The following CBL variants were observed in gnomAD, a reference collection of about 807,000 sequenced individuals.
CBL encodes the protein Cbl proto-oncogene.
In CBL, 45 loss-of-function variants were observed where a neutral mutation model predicts 96.9. The ratio of observed to expected loss-of-function variants is 0.46; its 90% CI spans 0.37 to 0.60. The LOEUF (loss-of-function observed/expected upper bound fraction) is 0.60. CBL is among the 20% of genes least tolerant of loss of function. The probability of loss-of-function intolerance (pLI) is 0.00; values close to 1 mark genes in which losing one functional copy is unlikely to be tolerated. For missense variants in CBL, 1,024 were observed against 1,143.5 expected (o/e 0.90, Z 1.51); for synonymous variants, 420 against 426.8 (o/e 0.98, Z 0.20).
chr11:119,307,792 A>G lies in CBL; in HGVS notation c.*8011A>G, dbSNP rs1295058784. 4.2e-5 allele frequency: 9 copies of G among 215,374 alleles called. No individual in the cohort carries two copies. Among genetic ancestry groups the G allele is most frequent in the Admixed American group, 3.5e-4 (6 of 17,184 alleles). 13.3% of individuals were successfully genotyped at this position (215,374 alleles called of 1,614,324 possible). A position where few individuals can be genotyped will look rare whatever the true frequency, so the allele number is the denominator to read the frequency against. ...TCCAGAATGAAGAGTCCCAATTTGT[A>G]TATCAGTGTTAAGAAGAAAACAAAA... is the stretch of plus-strand genomic sequence containing the variant. On this transcript the variant is annotated 3_prime_UTR_variant, in exon 16 of 16. Transcript: ENST00000264033.
chr11:119,206,435 G>C lies in CBL; in HGVS notation c.18G>C (p.Lys6Asn). 6.4e-7 allele frequency: 1 copy of C among 1,573,854 alleles called. No individual in the cohort carries two copies. MAGNV[K>N]KSSGAGGGSG... ...CCCAGGCCATGGCCGGCAACGTGAA[G>C]AAGAGCTCTGGGGCCGGGGGCGGCA... Residue 6 changes from lysine (K) to asparagine (N), a missense_variant, in exon 1 of 16, where the codon AAG becomes AAC. Around this residue, in one of 4 missense-constraint regions of CBL, gnomAD observed 114 missense variants for 117.4 expected, o/e 0.97. Transcript: ENST00000264033.
intron 2 of CBL, among the ~76,000 whole-genome samples, chr11:119,257,088 G>C (rs554448891): frequency 6.6e-6 from 1 of 152,230 alleles, no homozygotes; most frequent in African/African-American, 2.4e-5. Flanking sequence ...TAGATACCCA[G>C]TGGTGGGCTT....
In CBL at chr11:119,220,696, G is replaced by A. The variant is rs537971457; in HGVS notation, c.196-11752G>A. On this transcript the variant is annotated intron_variant, in intron 1 of 15. Coordinates refer to ENST00000264033, the MANE Select transcript of CBL (RefSeq NM_005188.4). ...TATTTTTTCTGCAGTTGATGTGGTA[G>A]GTGAAAGTAATGAGATTGGTAATGA... 5.3e-5 allele frequency among the ~76,000 whole-genome samples: 8 copies of A among 152,302 alleles called. No individual in the cohort carries two copies. In the South Asian group the frequency reaches 1.7e-3, roughly 32 times the overall value.
chr11:119,306,415 C>T lies in CBL; in HGVS notation c.*6634C>T. Reference sequence around the variant, plus strand: ...CGCCCCCTCCCCACCAACATTGCCTCTCCTACATTCTCCTTCTGCCCCTAA... The same window carrying T: ...CGCCCCCTCCCCACCAACATTGCCTTTCCTACATTCTCCTTCTGCCCCTAA... On this transcript the variant is annotated 3_prime_UTR_variant, in exon 16 of 16. Transcript: ENST00000264033. The T allele has an allele frequency of 2.5e-6, 1 of 398,920 alleles. No individual in the cohort carries two copies. The highest frequency in any genetic ancestry group is 4.4e-6 in the Non-Finnish European group (1 of 226,110). 24.7% of individuals were successfully genotyped at this position (398,920 alleles called of 1,614,324 possible).
At chr11:119,219,601 G>T (rs897787309) in intron 1 of CBL, among the ~76,000 whole-genome samples, 2 of 151,898 alleles carry the variant, frequency 1.3e-5, no homozygotes, top group African/African-American at 2.4e-5. Flanking sequence ...AGATAAAGGG[G>T]GACCACTGTA....
chr11:119,235,156 C>A (rs758695449), intron 2 of CBL, among the ~76,000 whole-genome samples: 3 of 151,726 alleles, frequency 2.0e-5, no homozygotes, highest in Non-Finnish European at 1.5e-5. Context: ...CTCTGTTGCC[C>A]AGGTTGGAGT....
chr11:119,208,404 T>A (rs1949290933), intron 1 of CBL, among the ~76,000 whole-genome samples: 1 of 152,094 alleles, frequency 6.6e-6, no homozygotes, highest in African/African-American at 2.4e-5. Flanking sequence ...TTTTTTTTTT[T>A]TGAGACGGAG....
At chr11:119,292,739 A>G (rs1419926515) in intron 12 of CBL, among the ~76,000 whole-genome samples, 1 of 152,070 alleles carries the variant, frequency 6.6e-6, no homozygotes, top group Non-Finnish European at 1.5e-5. Flanking sequence ...TGATTTTTAA[A>G]TTTATTCAGC....
chr11:119,269,265 T>G lies in CBL; in HGVS notation c.444-2470T>G, dbSNP rs953243770. 8.1e-4 allele frequency among the ~76,000 whole-genome samples: 101 copies of G among 124,598 alleles called. 1 individual carries two copies. Among genetic ancestry groups the G allele is most frequent in the Non-Finnish European group, 8.4e-4 (50 of 59,628 alleles). 81.7% of individuals were successfully genotyped at this position (124,598 alleles called of 152,430 possible). A position where few individuals can be genotyped will look rare whatever the true frequency, so the allele number is the denominator to read the frequency against. The stretch of plus-strand genomic sequence containing the variant: ...TAAGTGCTTTTTTTTTTTTTTTTTT[T>G]GGACCGAGTCTCACTCTGTCGTCCA... On this transcript the variant is annotated intron_variant, in intron 2 of 15. Coordinates refer to ENST00000264033, the MANE Select transcript of CBL (RefSeq NM_005188.4).
At chr11:119,280,616 G>T (rs1024035702) in intron 9 of CBL, among the ~76,000 whole-genome samples, 3 of 152,000 alleles carry the variant, frequency 2.0e-5, no homozygotes, top group Non-Finnish European at 4.4e-5. Context: ...AGGTTTAAAA[G>T]AATTGCTAAA....
intron 2 of CBL, among the ~76,000 whole-genome samples, chr11:119,251,862 A>G (rs1272426454): frequency 1.3e-5 from 2 of 152,224 alleles, no homozygotes; most frequent in Admixed American, 6.5e-5. Context: ...CTCTAAAACC[A>G]TAATACTTGT....
intron 2 of CBL, among the ~76,000 whole-genome samples, chr11:119,237,638 G>C (rs139438854): frequency 1.3e-5 from 2 of 152,274 alleles, no homozygotes; most frequent in East Asian, 3.9e-4. Context: ...TGAAAAGTCT[G>C]TCCTTTTTAA....
chr11:119,244,760 A>G (rs1949613362), intron 2 of CBL, among the ~76,000 whole-genome samples: 1 of 151,826 alleles, frequency 6.6e-6, no homozygotes, highest in African/African-American at 2.4e-5. Flanking sequence ...CATATTGCCT[A>G]GGCTGGTCTT....
intron 9 of CBL, 134 bp downstream of exon 9, chr11:119,278,847 A>G: frequency 2.6e-6 from 2 of 758,224 alleles, no homozygotes; most frequent in Non-Finnish European, 4.6e-6. Flanking sequence ...TTACTATATG[A>G]CAGATATTGT....
chr11:119,274,047 T>A, intron 4 of CBL, 23 bp downstream of exon 4: 1 of 1,566,080 alleles, frequency 6.4e-7, no homozygotes, highest in Non-Finnish European at 8.8e-7. Context: ...AAAAGTTGAC[T>A]AAACTGGTTA....
At chr11:119,279,961 T>TC (rs1191605898) in intron 9 of CBL, among the ~76,000 whole-genome samples, 4 of 152,206 alleles carry the variant, frequency 2.6e-5, no homozygotes, top group African/African-American at 9.6e-5. Context: ...GTGAAACACT[T>TC]CAACACAAGG....
chr11:119,224,036 A>G (rs1949434993), intron 1 of CBL, among the ~76,000 whole-genome samples: 1 of 152,214 alleles, frequency 6.6e-6, no homozygotes, highest in Admixed American at 6.5e-5. Context: ...GAGTTAGTGC[A>G]GTGCTGATTT....
Position 119,278,160 on chromosome 11 carries a change from T to C in CBL, c.1096-6T>C. On this transcript the variant is annotated splice_polypyrimidine_tract_variant and splice_region_variant and intron_variant, in intron 7 of 15. Transcript: ENST00000264033. ...CTAATAGTCTTTTAATTTTTTTTAA[T>C]CAAAGGAACAATATGAATTATACTG... The C allele has an allele frequency of 6.3e-7, 1 of 1,589,458 alleles. No individual in the cohort carries two copies. Among genetic ancestry groups the C allele is most frequent in the African/African-American group, 1.3e-5 (1 of 74,524 alleles).
Position 119,306,164 on chromosome 11 carries a change from T to G in CBL, c.*6383T>G, listed in dbSNP as rs989577041. The G allele has an allele frequency of 7.5e-6, 3 of 397,514 alleles. No homozygotes were observed. Among genetic ancestry groups the G allele is most frequent in the Admixed American group, 8.8e-5 (2 of 22,698 alleles). 24.6% of individuals were successfully genotyped at this position (397,514 alleles called of 1,614,324 possible). A position where few individuals can be genotyped will look rare whatever the true frequency, so the allele number is the denominator to read the frequency against. The stretch of plus-strand genomic sequence containing the variant: ...CCCCGCATGTCCATGGCGAGTCAGG[T>G]GGGGAGCACGGGTGGAAGGGCCGGC... On this transcript the variant is annotated 3_prime_UTR_variant, in exon 16 of 16. Transcript: ENST00000264033.
Sources: gnomAD v4.1 joint callset for allele counts (sites outside exome capture counted in the v4.1 genomes callset) on GRCh38, gnomAD v4.1.1 for gene constraint, gnomAD v4.1.1 regional missense constraint, MANE v1.5 for transcripts, NCBI Gene and HGNC (gene_info 2026-07-23, HGNC 2026-07-21) for gene names.